Variants in LCMT2 observed in about 807,000 individuals in gnomAD.
LCMT2 encodes the protein leucine carboxyl methyltransferase 2.
In LCMT2, 34 loss-of-function variants were observed where a neutral mutation model predicts 42.0. The ratio of observed to expected loss-of-function variants is 0.81; its 90% CI spans 0.62 to 1.08. The LOEUF (loss-of-function observed/expected upper bound fraction) is 1.08. Among genes scored for constraint, LCMT2 ranks in the 50% least tolerant of loss-of-function variants. LCMT2 has a pLI of 0.00. For synonymous variants in LCMT2, 445 were observed against 369.5 expected (o/e 1.20, Z -2.34); for missense variants, 1,091 against 889.4 (o/e 1.23, Z -2.88).
Position 43,330,291 on chromosome 15 carries a change from C to G in LCMT2, c.199G>C (p.Val67Leu), listed in dbSNP as rs45552436. 1,276 of 1,594,772 alleles carry G rather than the reference C, an allele frequency of 8.0e-4. 12 individuals carry two copies. In the African/African-American group the frequency reaches 0.016, roughly 20 times the overall value. Residue 67 changes from valine (V) to leucine (L), a missense_variant, in exon 1 of 1, where the codon GTG becomes CTG. By Grantham distance (32) the Val-to-Leu change is conservative. Transcript: ENST00000305641. ...CCAATCTGCTCCAAAAAAGCGCGCACGCAGTGCCTCACGGCGCGTGCGCGG... is the reference window on the plus strand; with the variant it reads ...CCAATCTGCTCCAAAAAAGCGCGCAGGCAGTGCCTCACGGCGCGTGCGCGG... The part of the protein sequence containing the change: ...YVRARAVRHC[V>L]RAFLEQIGAP...
Position 43,327,666 on chromosome 15 carries a change from AAGAGAGCT to A in LCMT2, c.*755_*762del. The stretch of plus-strand genomic sequence containing the variant: ...ACTGGTGGAACTCAACCAAAAAGTA[AAGAGAGCT>A]CCTTGATGCAGCCCATAAAGGTCAG... On this transcript the variant is annotated 3_prime_UTR_variant, in exon 1 of 1. Coordinates refer to ENST00000305641, the MANE Select transcript of LCMT2 (RefSeq NM_014793.5). The A allele has an allele frequency of 6.6e-6, 1 of 152,388 alleles. No individual in the cohort carries two copies. The highest frequency in any genetic ancestry group is 2.1e-4 in the South Asian group (1 of 4,826). The allele number at this position is 152,388 out of a possible 1,614,324, so 9.4% of individuals were successfully genotyped here.
Position 43,330,359 on chromosome 15 carries a change from C to A in LCMT2, c.131G>T (p.Gly44Val). Residue 44 changes from glycine to valine, a missense_variant, in exon 1 of 1, where the codon GGC becomes GTC. Gly to Val is a moderately radical substitution (Grantham distance 109). Coordinates refer to ENST00000305641, the MANE Select transcript of LCMT2 (RefSeq NM_014793.5). Reference sequence around the variant, plus strand: ...AATGAGCGGTGCGCGGCGCGCCGCGCCCGGAACCAGCAACGCGGCAAAGGG... The same window carrying A: ...AATGAGCGGTGCGCGGCGCGCCGCGACCGGAACCAGCAACGCGGCAAAGGG... ...QDPFAALLVP[G>V]AARRAPLIHR... 1 of 1,604,350 alleles carries A rather than the reference C, an allele frequency of 6.2e-7. No homozygotes were observed. Among genetic ancestry groups the A allele is most frequent in the Non-Finnish European group, 8.5e-7 (1 of 1,178,526 alleles).
chr15:43,330,060 G>T lies in LCMT2; in HGVS notation c.430C>A (p.Pro144Thr). The change falls in exon 1 of 1, where the codon CCC becomes ACC. Residue 144 changes from proline to threonine, a missense_variant. Pro to Thr is a conservative substitution (Grantham distance 38). Coordinates refer to ENST00000305641, the MANE Select transcript of LCMT2 (RefSeq NM_014793.5). The part of the protein sequence containing the change: ...ALTGPFERGE[P>T]ASALCFESAD... Reference sequence around the variant, plus strand: ...CTCTCAAAGCACAGCGCGGACGCGGGCTCCCCCCTCTCGAAAGGCCCGGTT... The same window carrying T: ...CTCTCAAAGCACAGCGCGGACGCGGTCTCCCCCCTCTCGAAAGGCCCGGTT... 6.2e-7 allele frequency: 1 copy of T among 1,612,248 alleles called. No individual in the cohort carries two copies. Among genetic ancestry groups the T allele is most frequent in the Non-Finnish European group, 8.5e-7 (1 of 1,179,920 alleles).
Position 43,329,934 on chromosome 15 carries a change from G to A in LCMT2, c.556C>T (p.Leu186=), listed in dbSNP as rs533067876. ...AGGTAGGTCAGCACCGCCTCGGCCA[G>A]GAGCAGAGTGGGTGAGGCTGCGTCG... ...GLDAASPTLL[L]AEAVLTYLEP... is the part of the protein sequence containing the mutation. Residue 186 remains leucine (L), a synonymous_variant, in exon 1 of 1, where the codon CTG becomes TTG. Transcript: ENST00000305641. 1.9e-6 allele frequency: 3 copies of A among 1,612,630 alleles called. No individual in the cohort carries two copies. The highest frequency in any genetic ancestry group is 1.7e-5 in the Admixed American group (1 of 59,994).
rs1283718358 is a variant in LCMT2 at position 43,328,039 on chromosome 15, TC to T, written c.*389del. 5.6e-6 allele frequency: 1 copy of T among 179,340 alleles called. No homozygotes were observed. The highest frequency in any genetic ancestry group is 1.2e-5 in the Non-Finnish European group (1 of 83,312). 11.1% of individuals were successfully genotyped at this position (179,340 alleles called of 1,614,324 possible). A position where few individuals can be genotyped will look rare whatever the true frequency, so the allele number is the denominator to read the frequency against. Reference sequence around the variant, plus strand: ...AACCAAGGATCTGCGTGAAACTTTTTCTAAGGTACCATCTCAAATATATTCA... The same window carrying T: ...AACCAAGGATCTGCGTGAAACTTTTTTAAGGTACCATCTCAAATATATTCA... On this transcript the variant is annotated 3_prime_UTR_variant, in exon 1 of 1. Transcript: ENST00000305641.
rs570729442 is a variant in LCMT2 at position 43,330,085 on chromosome 15, T to A, written c.405A>T (p.Leu135Phe). 44 of 1,612,122 alleles carry A rather than the reference T, an allele frequency of 2.7e-5. No individual in the cohort carries two copies. The South Asian group carries it at 4.0e-4, about 14-fold the overall frequency. ...RIGETPELCA[L>F]TGPFERGEPA... ...GCTCCCCCCTCTCGAAAGGCCCGGTTAACGCGCACAGCTCTGGCGTCTCTC... is the reference window on the plus strand; with the variant it reads ...GCTCCCCCCTCTCGAAAGGCCCGGTAAACGCGCACAGCTCTGGCGTCTCTC... The change falls in exon 1 of 1, where the codon TTA (leucine) becomes TTT (phenylalanine). Residue 135 changes from leucine (L) to phenylalanine (F), a missense_variant. Physicochemically the swap from Leu to Phe is conservative, Grantham distance 22. Coordinates refer to ENST00000305641, the MANE Select transcript of LCMT2 (RefSeq NM_014793.5).
Position 43,330,343 on chromosome 15 carries a change from T to A in LCMT2, c.147A>T (p.Ala49=). The A allele has an allele frequency of 8.1e-6, 13 of 1,603,106 alleles. No homozygotes were observed. Among genetic ancestry groups the A allele is most frequent in the Non-Finnish European group, 1.1e-5 (13 of 1,178,338 alleles). ...CGTAGTAGCCTCGGTGAATGAGCGG[T>A]GCGCGGCGCGCCGCGCCCGGAACCA... is the stretch of plus-strand genomic sequence containing the variant. The part of the protein sequence containing the change: ...ALLVPGAARR[A]PLIHRGYYVR... Residue 49 remains alanine, a synonymous_variant, in exon 1 of 1, where the codon GCA becomes GCT. Coordinates refer to ENST00000305641, the MANE Select transcript of LCMT2 (RefSeq NM_014793.5).
rs1248764322 is a variant in LCMT2 at position 43,327,843 on chromosome 15, C to G, written c.*586G>C. On this transcript the variant is annotated 3_prime_UTR_variant, in exon 1 of 1. Transcript: ENST00000305641. ...AATAAATATGGAACCAATAGCAAAA[C>G]ATTTAAAAAGTATGTTGGTAAAGGA... 1 of 153,100 alleles carries G rather than the reference C, an allele frequency of 6.5e-6. No individual in the cohort carries two copies. The highest frequency in any genetic ancestry group is 1.9e-4 in the East Asian group (1 of 5,214). The allele number at this position is 153,100 out of a possible 1,614,324, so 9.5% of individuals were successfully genotyped here.
rs1194536101 is a variant in LCMT2, at chr15:43,329,955, C to T, written c.535G>A (p.Ala179Thr). Residue 179 changes from alanine to threonine, a missense_variant, in exon 1 of 1, where the codon GCA (alanine) becomes ACA (threonine). Coordinates refer to ENST00000305641, the MANE Select transcript of LCMT2 (RefSeq NM_014793.5). ...GCCAGGAGCAGAGTGGGTGAGGCTGCGTCGAGCCCCGCGGCGCCCAGGGCC... is the reference window on the plus strand; with the variant it reads ...GCCAGGAGCAGAGTGGGTGAGGCTGTGTCGAGCCCCGCGGCGCCCAGGGCC... ...EEALGAAGLD[A>T]ASPTLLLAEA... The T allele has an allele frequency of 6.2e-7, 1 of 1,612,350 alleles. No individual in the cohort carries two copies. Among genetic ancestry groups the T allele is most frequent in the Non-Finnish European group, 8.5e-7 (1 of 1,179,756 alleles).
rs753158989 is a variant in LCMT2, at chr15:43,330,078, G to C, written c.412C>G (p.Pro138Ala). Residue 138 changes from proline (P) to alanine (A), a missense_variant, in exon 1 of 1, where the codon CCT (proline) becomes GCT (alanine). Coordinates refer to ENST00000305641, the MANE Select transcript of LCMT2 (RefSeq NM_014793.5). Reference sequence around the variant, plus strand: ...GACGCGGGCTCCCCCCTCTCGAAAGGCCCGGTTAACGCGCACAGCTCTGGC... The same window carrying C: ...GACGCGGGCTCCCCCCTCTCGAAAGCCCCGGTTAACGCGCACAGCTCTGGC... ...ETPELCALTG[P>A]FERGEPASAL... is the part of the protein sequence containing the mutation. 4.3e-6 allele frequency: 7 copies of C among 1,612,024 alleles called. No individual in the cohort carries two copies. In the Admixed American group the frequency reaches 5.0e-5, roughly 12 times the overall value.
rs1232895868 is a variant in LCMT2 at position 43,329,467 on chromosome 15, G to A, written c.1023C>T (p.Phe341=). Residue 341 remains phenylalanine, a synonymous_variant, in exon 1 of 1, where the codon TTC becomes TTT. Coordinates refer to ENST00000305641, the MANE Select transcript of LCMT2 (RefSeq NM_014793.5). ...CCTCGCTACTGACTACGCTGGCAGG[G>A]AATACCCCTGAAGGCGAAGCAGGAT... ...RVNPASPSGV[F]PASVVSSEGQ... 1 of 1,614,128 alleles carries A rather than the reference G, an allele frequency of 6.2e-7. No individual in the cohort carries two copies. Among genetic ancestry groups the A allele is most frequent in the Admixed American group, 1.7e-5 (1 of 60,024 alleles).
Position 43,328,716 on chromosome 15 carries a change from G to A in LCMT2, c.1774C>T (p.His592Tyr). 1 of 1,614,122 alleles carries A rather than the reference G, an allele frequency of 6.2e-7. No homozygotes were observed. The highest frequency in any genetic ancestry group is 8.5e-7 in the Non-Finnish European group (1 of 1,180,034). ...AGTAACAGCTTTCCATTGAGCACAT[G>A]AGCTGTGTGGGAGTACCTTGGGGTA... ...PITPRYSHTA[H>Y]VLNGKLLLVG... The change falls in exon 1 of 1, where the codon CAT (histidine) becomes TAT (tyrosine). Residue 592 changes from histidine to tyrosine, a missense_variant. Transcript: ENST00000305641.
Position 43,329,672 on chromosome 15 carries a change from T to C in LCMT2, c.818A>G (p.Glu273Gly). ...TGCGGGAAGAAAGCAGTGATAGAAT[T>C]CATTCATGTCCACGGCACCGCAGGC... ...WTACGAVDMN[E>G]FYHCFLPAEE... The change falls in exon 1 of 1, where the codon GAA becomes GGA. Residue 273 changes from glutamate to glycine, a missense_variant. Glu to Gly is a moderately conservative substitution (Grantham distance 98). Coordinates refer to ENST00000305641, the MANE Select transcript of LCMT2 (RefSeq NM_014793.5). The C allele has an allele frequency of 6.2e-7, 1 of 1,613,702 alleles. No individual in the cohort carries two copies. Among genetic ancestry groups the C allele is most frequent in the Non-Finnish European group, 8.5e-7 (1 of 1,180,010 alleles).
In LCMT2 at chr15:43,330,366, C is replaced by T. The variant is rs1431170494; in HGVS notation, c.124G>A (p.Val42Ile). Residue 42 changes from valine to isoleucine, a missense_variant, in exon 1 of 1, where the codon GTT becomes ATT. Val to Ile is a conservative substitution (Grantham distance 29, BLOSUM62 3). Coordinates refer to ENST00000305641, the MANE Select transcript of LCMT2 (RefSeq NM_014793.5). Reference protein sequence around the residue: ...YVQDPFAALLVPGAARRAPLI... With the variant: ...YVQDPFAALLIPGAARRAPLI... ...GGTGCGCGGCGCGCCGCGCCCGGAA[C>T]CAGCAACGCGGCAAAGGGGTCCTGC... The T allele has an allele frequency of 5.0e-6, 8 of 1,604,486 alleles. No homozygotes were observed. The highest frequency in any genetic ancestry group is 6.8e-6 in the Non-Finnish European group (8 of 1,178,486).
At position 43,325,021 on chromosome 15, in the gene LCMT2, C is replaced by CA. The variant is rs1326135183; in HGVS notation, c.*3407dup. On this transcript the variant is annotated 3_prime_UTR_variant, in exon 1 of 1. Transcript: ENST00000305641. Reference sequence around the variant, plus strand: ...TCCAGAAAGATGAAAAACGGGCACTCAGTTTTAAAACTCAGAAAGTACAAA... The same window carrying CA: ...TCCAGAAAGATGAAAAACGGGCACTCAAGTTTTAAAACTCAGAAAGTACAAA... 2.0e-5 allele frequency: 3 copies of CA among 151,448 alleles called. No homozygotes were observed. The highest frequency in any genetic ancestry group is 6.6e-5 in the Admixed American group (1 of 15,100). 9.4% of individuals were successfully genotyped at this position (151,448 alleles called of 1,614,324 possible).
chr15:43,330,393 C>A lies in LCMT2; in HGVS notation c.97G>T (p.Val33Leu). ...AGCAACGCGGCAAAGGGGTCCTGCA[C>A]GTACCCGCGCGCGGCCAGGGAACGC... ...SKRSLAARGY[V>L]QDPFAALLVP... Residue 33 changes from valine to leucine, a missense_variant, in exon 1 of 1, where the codon GTG becomes TTG. By Grantham distance (32) the Val-to-Leu change is conservative (BLOSUM62 1). Transcript: ENST00000305641. The A allele has an allele frequency of 1.9e-6, 3 of 1,583,944 alleles. No homozygotes were observed. The highest frequency in any genetic ancestry group is 2.6e-6 in the Non-Finnish European group (3 of 1,171,772).
In LCMT2 at chr15:43,330,416, C is replaced by T. The variant is rs1312485346; in HGVS notation, c.74G>A (p.Arg25His). 2 of 1,567,986 alleles carry T rather than the reference C, an allele frequency of 1.3e-6. No individual in the cohort carries two copies. The highest frequency in any genetic ancestry group is 1.4e-5 in the African/African-American group (1 of 72,354). Residue 25 changes from arginine (R) to histidine (H), a missense_variant, in exon 1 of 1, where the codon CGT (arginine) becomes CAT (histidine). Transcript: ENST00000305641. ...NTNDSSALSK[R>H]SLAARGYVQD... ...CACGTACCCGCGCGCGGCCAGGGAA[C>T]GCTTGCTGAGGGCGCTGCTGTCGTT...
At position 43,327,412 on chromosome 15, in the gene LCMT2, A is replaced by T. The variant is rs2043123716; in HGVS notation, c.*1017T>A. On this transcript the variant is annotated 3_prime_UTR_variant, in exon 1 of 1. Coordinates refer to ENST00000305641, the MANE Select transcript of LCMT2 (RefSeq NM_014793.5). ...TACAGTTCAGGTCTAGCAAAGAGCC[A>T]TCACAACTCCTAGGCCTGAAAAGGT... The T allele has an allele frequency of 6.6e-6, 1 of 152,252 alleles. No homozygotes were observed. 9.4% of individuals were successfully genotyped at this position (152,252 alleles called of 1,614,324 possible).
Position 43,330,457 on chromosome 15 carries a change from G to A in LCMT2, c.33C>T (p.Gly11=), listed in dbSNP as rs945825387. 1 of 1,529,932 alleles carries A rather than the reference G, an allele frequency of 6.5e-7. No homozygotes were observed. The highest frequency in any genetic ancestry group is 8.7e-7 in the Non-Finnish European group (1 of 1,144,250). The allele number at this position is 1,529,932 out of a possible 1,614,324, so 94.8% of individuals were successfully genotyped here. A position where few individuals can be genotyped will look rare whatever the true frequency, so the allele number is the denominator to read the frequency against. ...TGCTGTCGTTGGTGTTCTGTACCGCGCCTGCCCGACGCTCACGGCTCCGGG... is the reference window on the plus strand; with the variant it reads ...TGCTGTCGTTGGTGTTCTGTACCGCACCTGCCCGACGCTCACGGCTCCGGG... The part of the protein sequence containing the change: MGPRSRERRA[G]AVQNTNDSSA... The change falls in exon 1 of 1, where the codon GGC becomes GGT. Residue 11 remains glycine (G), a synonymous_variant. Coordinates refer to ENST00000305641, the MANE Select transcript of LCMT2 (RefSeq NM_014793.5).
Sources: allele counts gnomAD v4.1 joint callset, GRCh38; gene constraint gnomAD v4.1.1; transcripts MANE v1.5; gene names NCBI Gene and HGNC (gene_info 2026-07-23, HGNC 2026-07-21).